Variants in RGS17 observed in about 807,000 individuals in gnomAD.
RGS17 encodes regulator of G-protein signaling 17.
A neutral mutation model predicts 25.5 loss-of-function variants in RGS17; 12 were observed. The observed-to-expected ratio is 0.47, with a 90% CI of 0.30 to 0.76. The LOEUF (loss-of-function observed/expected upper bound fraction) is 0.76, where lower values mean the gene tolerates loss of function less well. Among genes scored for constraint, RGS17 ranks in the 30% least tolerant of loss-of-function variants. The probability of loss-of-function intolerance (pLI) is 0.07; values close to 1 mark genes in which losing one functional copy is unlikely to be tolerated. For synonymous variants in RGS17, 71 were observed against 76.9 expected, an observed-to-expected ratio of 0.92 and a Z score of 0.40; for missense variants, 196 against 242.2, an observed-to-expected ratio of 0.81 and a Z score of 1.27.
chr6:153,034,840 T>C (rs887590438), intron 2 of RGS17, among the ~76,000 whole-genome samples: 2 of 152,190 alleles, frequency 1.3e-5, no homozygotes, highest in African/African-American at 4.8e-5. Flanking sequence ...TAAATGGCTC[T>C]GTACTTTTAA....
At chr6:153,075,058 G>A (rs1776858953) in intron 1 of RGS17, among the ~76,000 whole-genome samples, 2 of 152,148 alleles carry the variant, frequency 1.3e-5, no homozygotes, top group South Asian at 4.1e-4. Flanking sequence ...ATGAAATGAT[G>A]AGTAAGAAAC....
At chr6:153,108,125 T>C (rs1325337227) in intron 1 of RGS17, among the ~76,000 whole-genome samples, 1 of 152,182 alleles carries the variant, frequency 6.6e-6, no homozygotes, top group African/African-American at 2.4e-5. Context: ...TTTTTTGTTA[T>C]TTGAGGCTGC....
At chr6:153,043,488 A>G (rs1276264097) in intron 2 of RGS17, among the ~76,000 whole-genome samples, 3 of 82,852 alleles carry the variant, frequency 3.6e-5, no homozygotes, top group Admixed American at 1.0e-4. Context: ...GCAGAGAACT[A>G]AAAAAAAAAA....
At chr6:153,113,881 T>G (rs771027787) in intron 1 of RGS17, among the ~76,000 whole-genome samples, 1 of 152,036 alleles carries the variant, frequency 6.6e-6, no homozygotes, top group Non-Finnish European at 1.5e-5. Context: ...TTGAAACCAA[T>G]GAGAACAAAG....
At chr6:153,063,026 T>C (rs1241485518) in intron 1 of RGS17, among the ~76,000 whole-genome samples, 1 of 152,060 alleles carries the variant, frequency 6.6e-6, no homozygotes, top group Non-Finnish European at 1.5e-5. Context: ...GGGCTCGGGG[T>C]GCCCCCTAAA....
intron 4 of RGS17, among the ~76,000 whole-genome samples, chr6:153,020,107 A>ATATATATATATATATATAT (rs1205305073): frequency 2.3e-4 from 11 of 47,848 alleles, no homozygotes; most frequent in East Asian, 1.4e-3. Flanking sequence ...TCTTAAAAAA[A>ATATATATATATATATATAT]AAAAATATAT....
At chr6:153,025,625 T>C (rs1409696910) in intron 3 of RGS17, among the ~76,000 whole-genome samples, 2 of 147,440 alleles carry the variant, frequency 1.4e-5, no homozygotes, top group African/African-American at 4.9e-5. Context: ...CAAAGAAGTA[T>C]GTTTATATAT....
At position 153,010,215 on chromosome 6, in the gene RGS17, A is replaced by G. The variant is rs957427872; in HGVS notation, c.*1359T>C. On this transcript the variant is annotated 3_prime_UTR_variant, in exon 5 of 5. Coordinates refer to ENST00000206262, the MANE Select transcript of RGS17 (RefSeq NM_012419.5). ...CAGGGGATATTAATATTCAAATGTAACACTTTGATATAAATATGACACTGA... is the reference window on the plus strand; with the variant it reads ...CAGGGGATATTAATATTCAAATGTAGCACTTTGATATAAATATGACACTGA... The G allele has an allele frequency of 3.9e-5, 6 of 151,966 alleles. No individual in the cohort carries two copies. Among genetic ancestry groups the G allele is most frequent in the African/African-American group, 1.4e-4 (6 of 41,430 alleles). The allele number at this position is 151,966 out of a possible 1,614,324, so 9.4% of individuals were successfully genotyped here.
intron 4 of RGS17, among the ~76,000 whole-genome samples, chr6:153,015,803 G>A (rs764251950): frequency 3.3e-5 from 5 of 151,856 alleles, no homozygotes; most frequent in Non-Finnish European, 5.9e-5. Flanking sequence ...ACAGGCGCCC[G>A]CCACCACGCC....
At position 153,010,849 on chromosome 6, in the gene RGS17, T is replaced by C. The variant is rs929658844; in HGVS notation, c.*725A>G. ...TTTGATTTGTCATTGAGATAGGATA[T>C]CTTCAAATTGTTTTGTGCTTTTTTC... On this transcript the variant is annotated 3_prime_UTR_variant, in exon 5 of 5. Coordinates refer to ENST00000206262, the MANE Select transcript of RGS17 (RefSeq NM_012419.5). The C allele has an allele frequency of 5.3e-5, 8 of 151,868 alleles. No individual in the cohort carries two copies. Among genetic ancestry groups the C allele is most frequent in the Admixed American group, 2.0e-4 (3 of 15,222 alleles). The allele number at this position is 151,868 out of a possible 1,614,324, so 9.4% of individuals were successfully genotyped here. A position where few individuals can be genotyped will look rare whatever the true frequency, so the allele number is the denominator to read the frequency against.
chr6:153,020,446 C>T (rs890118861), intron 4 of RGS17, among the ~76,000 whole-genome samples: 4 of 151,812 alleles, frequency 2.6e-5, no homozygotes, highest in Non-Finnish European at 4.4e-5. Flanking sequence ...AGCCACCGCG[C>T]CCGGTGATAT....
chr6:153,080,224 C>A (rs1208380347), intron 1 of RGS17, among the ~76,000 whole-genome samples: 1 of 152,216 alleles, frequency 6.6e-6, no homozygotes, highest in Non-Finnish European at 1.5e-5. Flanking sequence ...TCCTGATCAG[C>A]CTGCCTCGGC....
At chr6:153,037,333 G>A (rs1776261201) in intron 2 of RGS17, among the ~76,000 whole-genome samples, 1 of 152,026 alleles carries the variant, frequency 6.6e-6, no homozygotes. Context: ...TCATAAAGTA[G>A]GCTCAATTGG....
intron 1 of RGS17, among the ~76,000 whole-genome samples, chr6:153,088,020 C>T (rs886093253): frequency 6.6e-6 from 1 of 152,092 alleles, no homozygotes; most frequent in South Asian, 2.1e-4. Context: ...CTGTTTTGGG[C>T]TCCCTCTCCC....
intron 1 of RGS17, among the ~76,000 whole-genome samples, chr6:153,076,472 C>T (rs1464341097): frequency 2.6e-5 from 4 of 152,120 alleles, no homozygotes; most frequent in Non-Finnish European, 5.9e-5. Flanking sequence ...AATGATACGG[C>T]AGTAGCGATG....
intron 1 of RGS17, among the ~76,000 whole-genome samples, chr6:153,128,724 T>C (rs1353203918): frequency 1.3e-5 from 2 of 152,152 alleles, no homozygotes; most frequent in African/African-American, 4.8e-5. Context: ...TATTTATTAT[T>C]ATGCAAAAGT....
intron 1 of RGS17, among the ~76,000 whole-genome samples, chr6:153,106,224 C>G (rs1014047838): frequency 2.0e-5 from 3 of 151,922 alleles, no homozygotes; most frequent in Non-Finnish European, 4.4e-5. Context: ...ATGTCACGTT[C>G]TGATGCAGGC....
At chr6:153,106,298 C>A (rs1229548067) in intron 1 of RGS17, among the ~76,000 whole-genome samples, 1 of 151,900 alleles carries the variant, frequency 6.6e-6, no homozygotes, top group Non-Finnish European at 1.5e-5. Context: ...GGCCTCAGGA[C>A]TTTACCTTAG....
chr6:153,107,861 T>G (rs974819038), intron 1 of RGS17, among the ~76,000 whole-genome samples: 2 of 152,194 alleles, frequency 1.3e-5, no homozygotes, highest in Non-Finnish European at 2.9e-5. Context: ...TTAGCAGCAA[T>G]CAAATCCCTA....
Sources: gnomAD v4.1 joint callset for allele counts (sites outside exome capture counted in the v4.1 genomes callset) on GRCh38, gnomAD v4.1.1 for gene constraint, MANE v1.5 for transcripts, NCBI Gene and HGNC (gene_info 2026-07-23, HGNC 2026-07-21) for gene names.